RECQL: variants seen among roughly 807,000 people sequenced by gnomAD.
The protein encoded by RECQL is RecQ like helicase.
A neutral mutation model predicts 75.8 loss-of-function variants in RECQL; 73 were observed. That is an observed-to-expected ratio of 0.96 (90% CI 0.80 to 1.17). The LOEUF (loss-of-function observed/expected upper bound fraction) is 1.17, where lower values mean the gene tolerates loss of function less well. Ranked by LOEUF, RECQL falls within the 50% of genes most tolerant of loss-of-function variation. The probability of loss-of-function intolerance (pLI) is 0.00; values close to 1 mark genes in which losing one functional copy is unlikely to be tolerated. For synonymous variants in RECQL, 248 were observed against 254.4 expected, an observed-to-expected ratio of 0.97 and a Z score of 0.24; for missense variants, 699 against 772.1, an observed-to-expected ratio of 0.91 and a Z score of 1.12.
rs762434563 is a variant in RECQL, at chr12:21,477,003, C to T, written c.868-11G>A. On this transcript the variant is annotated splice_polypyrimidine_tract_variant and intron_variant, in intron 7 of 14. Transcript: ENST00000444129. Reference sequence around the variant, plus strand: ...GGGCTTCTGCCGAACCTAAAAAAAACTTAACTTATTAAAAAGTAAATGAAT... The same window carrying T: ...GGGCTTCTGCCGAACCTAAAAAAAATTTAACTTATTAAAAAGTAAATGAAT... The T allele has an allele frequency of 3.0e-5, 48 of 1,593,010 alleles. No individual in the cohort carries two copies. The South Asian group carries it at 4.4e-4, about 15-fold the overall frequency.
chr12:21,477,048 G>A, intron 7 of RECQL, 56 bp from the exon 8 acceptor site: 1 of 1,238,354 alleles, frequency 8.1e-7, no homozygotes, highest in Non-Finnish European at 1.1e-6. Context: ...CCAAGTGGCT[G>A]TCTATGTACA....
chr12:21,493,469 T>TA (rs111687557), intron 2 of RECQL, among the ~76,000 whole-genome samples: 3,743 of 151,100 alleles, frequency 0.025, 123 homozygotes, highest in African/African-American at 0.076. Context: ...TGATTGTCCT[T>TA]AAAAAAAAAC....
intron 10 of RECQL, 46 bp from the exon 11 acceptor site, chr12:21,475,025 T>C (rs761882065): frequency 1.3e-5 from 20 of 1,579,902 alleles, no homozygotes; most frequent in Non-Finnish European, 1.6e-5. Context: ...ATTTACAAAT[T>C]CAAAATATGC....
At chr12:21,497,798 C>T (rs1035708206) in intron 2 of RECQL, among the ~76,000 whole-genome samples, 21 of 152,298 alleles carry the variant, frequency 1.4e-4, no homozygotes, top group African/African-American at 4.1e-4. Context: ...CTGCCACTCA[C>T]GAAGACCCAT....
At chr12:21,498,367 C>T (rs1479773443) in intron 2 of RECQL, among the ~76,000 whole-genome samples, 2 of 152,144 alleles carry the variant, frequency 1.3e-5, no homozygotes, top group African/African-American at 4.8e-5. Context: ...ATGGGAGTGG[C>T]TCTTCTATTA....
At chr12:21,482,787 G>A (rs747760945) in intron 6 of RECQL, among the ~76,000 whole-genome samples, 2 of 152,114 alleles carry the variant, frequency 1.3e-5, no homozygotes, top group South Asian at 2.1e-4. Context: ...CCAGGGAGTC[G>A]GATTTTTGAA....
intron 3 of RECQL, 25 bp downstream of exon 3, chr12:21,491,494 C>CAAAAAAAAAAAAAAAAAA (rs140439673): frequency 9.4e-7 from 1 of 1,067,638 alleles, no homozygotes; most frequent in Non-Finnish European, 1.2e-6. Context: ...ATAAAACTAG[C>CAAAAAAAAAAAAAAAAAA]AAAAAAAAAA....
At chr12:21,475,023 AT>A (rs1255067498) in intron 10 of RECQL, 44 bp from the exon 11 acceptor site, 1 of 1,583,184 alleles carries the variant, frequency 6.3e-7, no homozygotes, top group East Asian at 2.3e-5. Flanking sequence ...ACATTTACAA[AT>A]TCAAAATATG....
At position 21,475,615 on chromosome 12, in the gene RECQL, T is replaced by A. The variant is rs1370322268; in HGVS notation, c.1099-30A>T. On this transcript the variant is annotated intron_variant, in intron 9 of 14. Coordinates refer to ENST00000444129, the MANE Select transcript of RECQL (RefSeq NM_002907.4). Reference sequence around the variant, plus strand: ...AATATTTTAACATTTTATCAGTTAATTAAATCAAGTTTAAATATTTTAAAG... The same window carrying A: ...AATATTTTAACATTTTATCAGTTAAATAAATCAAGTTTAAATATTTTAAAG... 3.1e-6 allele frequency: 5 copies of A among 1,607,916 alleles called. No individual in the cohort carries two copies. The South Asian group carries it at 5.5e-5, about 18-fold the overall frequency.
At chr12:21,485,075 G>A (rs949135774) in intron 5 of RECQL, among the ~76,000 whole-genome samples, 5 of 151,956 alleles carry the variant, frequency 3.3e-5, no homozygotes, top group African/African-American at 1.2e-4. Flanking sequence ...CTCAGTGGCT[G>A]CTAAAACCAT....
intron 13 of RECQL, 137 bp downstream of exon 13, chr12:21,471,291 G>T: frequency 1.0e-6 from 1 of 960,346 alleles, no homozygotes; most frequent in Non-Finnish European, 1.5e-6. Flanking sequence ...ATTAAAGTTT[G>T]AGTGTTTTAG....
chr12:21,481,260 T>C (rs1943187651), intron 6 of RECQL, among the ~76,000 whole-genome samples: 1 of 152,110 alleles, frequency 6.6e-6, no homozygotes. Context: ...ATATTCCCAG[T>C]TGAGAAGAAA....
chr12:21,500,831 C>T (rs1024750413), intron 1 of RECQL, among the ~76,000 whole-genome samples: 1 of 152,140 alleles, frequency 6.6e-6, no homozygotes, highest in African/African-American at 2.4e-5. Flanking sequence ...TTCTCCCCCA[C>T]GATTTTAAAT....
rs1360730229 is a variant in RECQL, at chr12:21,469,338, C to G, written c.*856G>C. On this transcript the variant is annotated 3_prime_UTR_variant, in exon 15 of 15. Coordinates refer to ENST00000444129, the MANE Select transcript of RECQL (RefSeq NM_002907.4). ...GCTTTGAATGCAGCCCAACACAAAT[C>G]TGTAAACTTTCTTAAAACATGAGAT... is the stretch of plus-strand genomic sequence containing the variant. 1 of 151,994 alleles carries G rather than the reference C, an allele frequency of 6.6e-6. No individual in the cohort carries two copies. Among genetic ancestry groups the G allele is most frequent in the Non-Finnish European group, 1.5e-5 (1 of 68,060 alleles). 9.4% of individuals were successfully genotyped at this position (151,994 alleles called of 1,614,324 possible).
chr12:21,471,273 TTATA>T (rs1179371969), intron 13 of RECQL, 151 bp downstream of exon 13: 5 of 965,222 alleles, frequency 5.2e-6, no homozygotes, highest in Non-Finnish European at 7.4e-6. Context: ...TTTTTTTTAT[TTATA>T]GTGATTAAAG....
At chr12:21,475,627 T>C (rs1943070858) in intron 9 of RECQL, 42 bp from the exon 10 acceptor site, 1 of 1,607,694 alleles carries the variant, frequency 6.2e-7, no homozygotes, top group South Asian at 1.1e-5. Flanking sequence ...AAATCAAGTT[T>C]AAATATTTTA....
intron 2 of RECQL, among the ~76,000 whole-genome samples, chr12:21,495,766 T>A (rs545828052): frequency 6.6e-6 from 1 of 152,180 alleles, no homozygotes; most frequent in East Asian, 1.9e-4. Flanking sequence ...ATTTAAAAGG[T>A]AGAAATGAAG....
chr12:21,474,463 CAT>C, intron 11 of RECQL, among the ~76,000 whole-genome samples: 1 of 152,154 alleles, frequency 6.6e-6, no homozygotes, highest in Middle Eastern at 3.4e-3. Context: ...TTCATTGACA[CAT>C]GAGCTGGCAA....
intron 6 of RECQL, among the ~76,000 whole-genome samples, 182 bp downstream of exon 6, chr12:21,483,194 A>G (rs1943224181): frequency 6.6e-6 from 1 of 152,220 alleles, no homozygotes; most frequent in South Asian, 2.1e-4. Flanking sequence ...CAGGTTGATC[A>G]TCCCAAATCC....
Sources: allele counts gnomAD v4.1 joint callset (sites outside exome capture counted in the v4.1 genomes callset), GRCh38; gene constraint gnomAD v4.1.1; transcripts MANE v1.5; gene names NCBI Gene and HGNC (gene_info 2026-07-23, HGNC 2026-07-21).